The following EDNRB variants were observed in gnomAD, a reference collection of about 807,000 sequenced individuals.
The protein encoded by EDNRB is endothelin receptor type B, also known as Hirschsprung disease 2.
Under a neutral mutation model 46.4 loss-of-function variants are expected in EDNRB, and 18 were observed. The observed-to-expected ratio is 0.39, with a 90% confidence interval of 0.27 to 0.57. EDNRB has a LOEUF of 0.57. EDNRB is among the 20% of genes least tolerant of loss of function. The pLI, the probability that EDNRB is intolerant of heterozygous loss-of-function variation, is 0.61. For missense variants in EDNRB, 434 were observed against 537.5 expected, an observed-to-expected ratio of 0.81 and a Z score of 1.90; for synonymous variants, 213 against 204.9, an observed-to-expected ratio of 1.04 and a Z score of -0.34.
upstream of EDNRB, among the ~76,000 whole-genome samples, chr13:77,922,379 C>A (rs1880110529): frequency 6.6e-6 from 1 of 152,108 alleles, no homozygotes; most frequent in Non-Finnish European, 1.5e-5. Flanking sequence ...CAAAATAAAC[C>A]TTTTCGCCTG....
chr13:77,956,533 C>G (rs141859803), intron 1 of EDNRB, among the ~76,000 whole-genome samples: 1 of 152,194 alleles, frequency 6.6e-6, no homozygotes, highest in South Asian at 2.1e-4. Context: ...CAAAACTTTA[C>G]GGAACATAAG....
At chr13:77,936,787 G>A (rs1262502377) in intron 1 of EDNRB, among the ~76,000 whole-genome samples, 3 of 152,242 alleles carry the variant, frequency 2.0e-5, no homozygotes, top group Non-Finnish European at 4.4e-5. Flanking sequence ...CTTGAAGCAA[G>A]ATCCTGATGG....
At chr13:77,952,226 GC>G (rs1347771739) in intron 1 of EDNRB, among the ~76,000 whole-genome samples, 1 of 152,170 alleles carries the variant, frequency 6.6e-6, no homozygotes, top group Non-Finnish European at 1.5e-5. Flanking sequence ...GAGAAGGAAT[GC>G]ATCCACCCTG....
chr13:77,920,613 A>C (rs1047822237), upstream of EDNRB, among the ~76,000 whole-genome samples: 10 of 152,340 alleles, frequency 6.6e-5, no homozygotes, highest in African/African-American at 2.4e-4. Flanking sequence ...TCTATTTAAA[A>C]AGGTGAACTT....
intron 1 of EDNRB, among the ~76,000 whole-genome samples, chr13:77,974,703 C>A (rs1373005554): frequency 1.3e-5 from 2 of 151,932 alleles, no homozygotes; most frequent in Non-Finnish European, 2.9e-5. Flanking sequence ...CAGCAGTAAC[C>A]AAGCATCTAT....
chr13:77,942,991 CTT>C, intron 1 of EDNRB, among the ~76,000 whole-genome samples: 1 of 152,190 alleles, frequency 6.6e-6, no homozygotes, highest in African/African-American at 2.4e-5. Flanking sequence ...TAAAATTTCT[CTT>C]TTTGACAGAA....
At position 77,902,312 on chromosome 13, in the gene EDNRB, C is replaced by T. The variant is rs917592157; in HGVS notation, c.801+844G>A. Among the ~76,000 whole-genome samples, 14 of 151,902 alleles carry T rather than the reference C, an allele frequency of 9.2e-5. 1 individual carries two copies. The highest frequency in any genetic ancestry group is 2.6e-4 in the Admixed American group (4 of 15,240). ...ATGGGGCTGTAGGATACAGTAAATTCCTCTTCAAAGAACCAATATGTCAGT... is the reference window on the plus strand; with the variant it reads ...ATGGGGCTGTAGGATACAGTAAATTTCTCTTCAAAGAACCAATATGTCAGT... On this transcript the variant is annotated intron_variant, in intron 3 of 6. Coordinates refer to ENST00000646607, the MANE Select transcript of EDNRB (RefSeq NM_001122659.3).
chr13:77,935,227 A>C (rs190915272), intron 1 of EDNRB, among the ~76,000 whole-genome samples: 1 of 152,228 alleles, frequency 6.6e-6, no homozygotes, highest in Non-Finnish European at 1.5e-5. Flanking sequence ...TTGAGGGCTA[A>C]GCAAAACAGT....
upstream of EDNRB, chr13:77,919,861 G>T: frequency 2.4e-6 from 1 of 423,236 alleles, no homozygotes; most frequent in Non-Finnish European, 4.2e-6. Context: ...ACTAGAACAA[G>T]GCTCTGCACT....
At chr13:77,952,154 GAAAGT>G (rs1881110371) in intron 1 of EDNRB, among the ~76,000 whole-genome samples, 1 of 152,108 alleles carries the variant, frequency 6.6e-6, no homozygotes, top group African/African-American at 2.4e-5. Context: ...AGTTTATTAA[GAAAGT>G]AAAGTGGTGA....
Position 77,903,318 on chromosome 13 carries a change from C to G in EDNRB, c.639G>C (p.Gly213=). ...TTTCTACTGCTGTCCATTTTGGAAC[C>G]CCAATTCCTTTAATTCTACTCCAAG... ...VASWSRIKGI[G]VPKWTAVEIV... Residue 213 remains glycine, a synonymous_variant, in exon 3 of 7, where the codon GGG becomes GGC. Transcript: ENST00000646607. The G allele has an allele frequency of 6.2e-7, 1 of 1,612,750 alleles. No homozygotes were observed. The highest frequency in any genetic ancestry group is 8.5e-7 in the Non-Finnish European group (1 of 1,179,292).
chr13:77,920,349 A>AT (rs766629381), upstream of EDNRB, among the ~76,000 whole-genome samples: 55 of 152,240 alleles, frequency 3.6e-4, no homozygotes, highest in Non-Finnish European at 7.5e-4. Flanking sequence ...TTGCCCAGAG[A>AT]TTGTATAAAA....
chr13:77,945,901 A>AAAAC (rs1391892820), intron 1 of EDNRB, among the ~76,000 whole-genome samples: 68 of 150,760 alleles, frequency 4.5e-4, no homozygotes, highest in Middle Eastern at 6.8e-3. Context: ...AAACAAAAAA[A>AAAAC]ACACACAATC....
intron 4 of EDNRB, 73 bp downstream of exon 4, chr13:77,900,985 C>G (rs1157969391): frequency 1.9e-6 from 3 of 1,551,534 alleles, no homozygotes; most frequent in Admixed American, 3.4e-5. Flanking sequence ...AGTTTATCAT[C>G]ATCATCATCA....
At position 77,959,757 on chromosome 13, in the gene EDNRB, T is replaced by C. The variant is rs576829260; in HGVS notation, c.-52+15590A>G. ...ACTTCTCCGAGCTAAAGGAGGAAGTTCGAACCCATCATACAGAAGCTAAAA... is the reference window on the plus strand; with the variant it reads ...ACTTCTCCGAGCTAAAGGAGGAAGTCCGAACCCATCATACAGAAGCTAAAA... On this transcript the variant is annotated intron_variant, in intron 1 of 7. Transcript: ENST00000646948. 2.6e-3 allele frequency among the ~76,000 whole-genome samples: 392 copies of C among 152,304 alleles called. 3 individuals carry two copies. Among genetic ancestry groups the C allele is most frequent in the Admixed American group, 5.0e-3 (76 of 15,304 alleles).
At chr13:77,971,303 T>G (rs1489187023) in intron 1 of EDNRB, among the ~76,000 whole-genome samples, 1 of 152,228 alleles carries the variant, frequency 6.6e-6, no homozygotes, top group Admixed American at 6.5e-5. Context: ...CGGTATTTAT[T>G]AAAGTCACCA....
At chr13:77,950,985 G>C (rs771973864) in intron 1 of EDNRB, among the ~76,000 whole-genome samples, 1 of 152,218 alleles carries the variant, frequency 6.6e-6, no homozygotes, top group East Asian at 1.9e-4. Flanking sequence ...AAGGATAAGA[G>C]AGGTTTTTAA....
Position 77,897,278 on chromosome 13 carries a change from C to G in EDNRB, c.*922G>C. On this transcript the variant is annotated 3_prime_UTR_variant, in exon 7 of 7. Coordinates refer to ENST00000646607, the MANE Select transcript of EDNRB (RefSeq NM_001122659.3). ...AGGTAAGTATTTACAGATGACAAAA[C>G]CAAACAGAGTTTAAGCTACGATAGT... The G allele has an allele frequency of 1.0e-6, 1 of 985,134 alleles. No homozygotes were observed. The highest frequency in any genetic ancestry group is 1.2e-6 in the Non-Finnish European group (1 of 829,834). The allele number at this position is 985,134 out of a possible 1,614,324, so 61.0% of individuals were successfully genotyped here.
chr13:77,923,326 A>G (rs1880138639), upstream of EDNRB, among the ~76,000 whole-genome samples: 4 of 152,202 alleles, frequency 2.6e-5, no homozygotes, highest in Admixed American at 2.6e-4. Flanking sequence ...TCTCAGTAAA[A>G]CAAAAAATGA....
Sources: allele counts gnomAD v4.1 joint callset (sites outside exome capture counted in the v4.1 genomes callset), GRCh38; gene constraint gnomAD v4.1.1; transcripts MANE v1.5; gene names NCBI Gene and HGNC (gene_info 2026-07-23, HGNC 2026-07-21).